Variants in GALK2 observed in about 807,000 individuals in gnomAD.
GALK2 encodes the protein galactokinase 2.
In GALK2, 36 loss-of-function variants were observed where a neutral mutation model predicts 52.4. The ratio of observed to expected loss-of-function variants is 0.69; its 90% CI spans 0.53 to 0.91. The LOEUF (loss-of-function observed/expected upper bound fraction) is 0.91, where lower values mean the gene tolerates loss of function less well. Among genes scored for constraint, GALK2 ranks in the 40% least tolerant of loss-of-function variants. The pLI is 0.00. For synonymous variants in GALK2, 176 were observed against 199.1 expected, an observed-to-expected ratio of 0.88 and a Z score of 0.98; for missense variants, 579 against 559.1, an observed-to-expected ratio of 1.04 and a Z score of -0.36.
At position 49,328,258 on chromosome 15, in the gene GALK2, T is replaced by C; in HGVS notation, c.*99T>C. On this transcript the variant is annotated 3_prime_UTR_variant, in exon 10 of 10. Coordinates refer to ENST00000560031, the MANE Select transcript of GALK2 (RefSeq NM_002044.4). ...TTAATCTTCCTTCTGTTTTGTATTA[T>C]GATGAACGGTTGCTATTATATCAAG... 1.4e-6 allele frequency: 2 copies of C among 1,469,778 alleles called. No homozygotes were observed. Among genetic ancestry groups the C allele is most frequent in the African/African-American group, 1.4e-5 (1 of 70,452 alleles). The allele number at this position is 1,469,778 out of a possible 1,614,324, so 91.0% of individuals were successfully genotyped here. A position where few individuals can be genotyped will look rare whatever the true frequency, so the allele number is the denominator to read the frequency against.
chr15:49,305,209 T>C (rs774113121), intron 8 of GALK2, among the ~76,000 whole-genome samples: 2 of 152,156 alleles, frequency 1.3e-5, no homozygotes, highest in Non-Finnish European at 2.9e-5. Context: ...CTAGTGCCTT[T>C]TTGCAGGTTA....
chr15:49,264,602 T>C (rs1016343673), intron 5 of GALK2, among the ~76,000 whole-genome samples: 1 of 152,210 alleles, frequency 6.6e-6, no homozygotes, highest in Non-Finnish European at 1.5e-5. Flanking sequence ...CCAGCTTTGT[T>C]CCATTGCTGG....
chr15:49,239,408 A>G (rs201028160), intron 5 of GALK2, 41 bp downstream of exon 5: 9 of 1,574,656 alleles, frequency 5.7e-6, no homozygotes, highest in Non-Finnish European at 7.8e-6. Flanking sequence ...ACCCTCTCCT[A>G]ATAATCATTA....
At chr15:49,346,094 T>C (rs1477129155) in intron 3 of GALK2, among the ~76,000 whole-genome samples, 1 of 151,810 alleles carries the variant, frequency 6.6e-6, no homozygotes, top group Middle Eastern at 3.2e-3. Flanking sequence ...AAAGCCATGC[T>C]GCTGAACACG....
At chr15:49,346,044 T>A (rs1380244608) in intron 3 of GALK2, among the ~76,000 whole-genome samples, 1 of 124,154 alleles carries the variant, frequency 8.1e-6, no homozygotes, top group Non-Finnish European at 1.8e-5. Context: ...GGTCACTTGC[T>A]TTTGTTATTT....
At chr15:49,242,281 G>A (rs188598751) in intron 5 of GALK2, among the ~76,000 whole-genome samples, 1 of 152,256 alleles carries the variant, frequency 6.6e-6, no homozygotes, top group African/African-American at 2.4e-5. Context: ...GTAAGGTCAA[G>A]GGAACTAACT....
At position 49,156,668 on chromosome 15, in the gene GALK2, A is replaced by G; in HGVS notation, c.20+652A>G. ...GAGCATTCCCAAAGGCAAAATTTCC[A>G]CTGTAGAAGCATTGACACTTTTCAA... On this transcript the variant is annotated intron_variant, in intron 1 of 9. Coordinates refer to the GALK2 transcript ENST00000327171. 5.8e-6 allele frequency: 3 copies of G among 517,224 alleles called. 1 individual carries two copies. The highest frequency in any genetic ancestry group is 1.1e-5 in the Non-Finnish European group (3 of 261,402). The allele number at this position is 517,224 out of a possible 1,614,324, so 32.0% of individuals were successfully genotyped here. A position where few individuals can be genotyped will look rare whatever the true frequency, so the allele number is the denominator to read the frequency against.
At chr15:49,283,768 T>G in intron 7 of GALK2, 50 bp downstream of exon 7, 1 of 1,584,350 alleles carries the variant, frequency 6.3e-7, no homozygotes, top group Middle Eastern at 1.7e-4. Context: ...TTTCTTGTCT[T>G]TATTTTCATT....
At chr15:49,192,646 A>G (rs1419107005) in intron 1 of GALK2, among the ~76,000 whole-genome samples, 1 of 151,492 alleles carries the variant, frequency 6.6e-6, no homozygotes, top group South Asian at 2.1e-4. Context: ...CCAAATTTGT[A>G]TTCCCAAAAC....
chr15:49,365,333 G>A, intron 3 of GALK2: 28 of 1,568,310 alleles, frequency 1.8e-5, no homozygotes, highest in Non-Finnish European at 2.5e-5. Flanking sequence ...AACAACAAAT[G>A]TAAGTATCAT....
At chr15:49,318,429 T>C (rs970607908) in intron 8 of GALK2, among the ~76,000 whole-genome samples, 2 of 152,190 alleles carry the variant, frequency 1.3e-5, no homozygotes, top group African/African-American at 4.8e-5. Context: ...AATATGTGTA[T>C]GCAAAATTAG....
intron 5 of GALK2, among the ~76,000 whole-genome samples, chr15:49,272,504 G>A (rs1026740553): frequency 6.6e-6 from 1 of 152,170 alleles, no homozygotes; most frequent in Non-Finnish European, 1.5e-5. Context: ...ATGAGATTGT[G>A]CACGTTTAAC....
At chr15:49,268,761 A>C (rs1482054913) in intron 5 of GALK2, among the ~76,000 whole-genome samples, 2 of 152,080 alleles carry the variant, frequency 1.3e-5, no homozygotes, top group Non-Finnish European at 2.9e-5. Context: ...TGCTCCATGG[A>C]TTGGCAGTGT....
chr15:49,183,595 G>A (rs146440737), intron 1 of GALK2, among the ~76,000 whole-genome samples: 7,873 of 152,272 alleles, frequency 0.052, 297 homozygotes, highest in East Asian at 0.15. Flanking sequence ...TGTAATCCCA[G>A]CACTTTGGGA....
intron 2 of GALK2, among the ~76,000 whole-genome samples, chr15:49,207,911 T>G (rs2141338376): frequency 6.6e-6 from 1 of 152,210 alleles, no homozygotes; most frequent in Admixed American, 6.5e-5. Context: ...TAGCTAGGAT[T>G]ACAGGCACCC....
At chr15:49,232,320 G>C (rs765239000) in intron 3 of GALK2, among the ~76,000 whole-genome samples, 3 of 152,184 alleles carry the variant, frequency 2.0e-5, no homozygotes, top group Non-Finnish European at 2.9e-5. Flanking sequence ...CAGGATATGG[G>C]GAGCAGTGTC....
At chr15:49,224,111 T>A (rs1486039854) in intron 3 of GALK2, among the ~76,000 whole-genome samples, 1 of 152,150 alleles carries the variant, frequency 6.6e-6, no homozygotes, top group East Asian at 1.9e-4. Context: ...GGTATCTCAT[T>A]GTGGTTTTGA....
intron 1 of GALK2, among the ~76,000 whole-genome samples, chr15:49,192,239 A>G (rs1373649551): frequency 6.6e-6 from 1 of 151,998 alleles, no homozygotes; most frequent in African/African-American, 2.4e-5. Context: ...CTTATTGCTA[A>G]TATGATAGTA....
intron 8 of GALK2, among the ~76,000 whole-genome samples, chr15:49,304,768 A>G (rs2035409430): frequency 6.6e-6 from 1 of 152,256 alleles, no homozygotes; most frequent in Admixed American, 6.5e-5. Context: ...ACAAATACGA[A>G]GTTGACATTT....
Sources: allele counts gnomAD v4.1 joint callset (sites outside exome capture counted in the v4.1 genomes callset), GRCh38; gene constraint gnomAD v4.1.1; transcripts MANE v1.5; gene names NCBI Gene and HGNC (gene_info 2026-07-23, HGNC 2026-07-21).